RAPGEF5: variants seen among roughly 807,000 people sequenced by gnomAD.
RAPGEF5 encodes the protein M-Ras-regulated GEF.
A neutral mutation model predicts 125.2 loss-of-function variants in RAPGEF5; 65 were observed. The observed-to-expected ratio is 0.52, with a 90% CI of 0.43 to 0.64. The LOEUF is 0.64. Ranked by LOEUF, RAPGEF5 falls within the 30% of genes least tolerant of loss-of-function variation. The pLI, the probability that RAPGEF5 is intolerant of heterozygous loss-of-function variation, is 0.00. For missense variants in RAPGEF5, 958 were observed against 1,048.1 expected (o/e 0.91, Z 1.19); for synonymous variants, 391 against 385.9 (o/e 1.01, Z -0.16).
chr7:22,145,202 C>T lies in RAPGEF5; in HGVS notation c.2028G>A (p.Thr676=), dbSNP rs748833071. Reference sequence around the variant, plus strand: ...GTTCCCCACTTCCCTGTCTGCTGAACGTGAAGTAGATCAGCTCTTGCTGAA... The same window carrying T: ...GTTCCCCACTTCCCTGTCTGCTGAATGTGAAGTAGATCAGCTCTTGCTGAA... The part of the protein sequence containing the change: ...SIHEQELIYF[T]FSRQGSGEHT... The change falls in exon 20 of 26, where the codon ACG becomes ACA. Residue 676 remains threonine, a synonymous_variant. Transcript: ENST00000665637. 17 of 1,612,494 alleles carry T rather than the reference C, an allele frequency of 1.1e-5. 1 individual carries two copies. In the Middle Eastern group the frequency reaches 6.6e-4, roughly 63 times the overall value.
intron 6 of RAPGEF5, 97 bp from the exon 7 acceptor site, chr7:22,267,109 G>A: frequency 2.5e-6 from 3 of 1,204,308 alleles, no homozygotes; most frequent in Non-Finnish European, 3.5e-6. Context: ...CAAATTCAGA[G>A]CTGTTTCAAT....
At chr7:22,156,064 T>C (rs1005503425) in intron 16 of RAPGEF5, among the ~76,000 whole-genome samples, 2 of 152,342 alleles carry the variant, frequency 1.3e-5, no homozygotes, top group Admixed American at 1.3e-4. Flanking sequence ...CACTATCTAA[T>C]GTAATAAGCA....
intron 2 of RAPGEF5, among the ~76,000 whole-genome samples, chr7:22,316,436 T>C (rs1222827738): frequency 2.7e-5 from 4 of 146,436 alleles, no homozygotes; most frequent in Non-Finnish European, 6.0e-5. Context: ...TATATACATA[T>C]ACACACGTGT....
intron 24 of RAPGEF5, among the ~76,000 whole-genome samples, chr7:22,127,089 A>C (rs2128098279): frequency 6.7e-6 from 1 of 148,448 alleles, no homozygotes; most frequent in Middle Eastern, 3.6e-3. Context: ...CCCAGGCTGA[A>C]GTGCAATGGC....
At chr7:22,244,425 G>A (rs1242965295) in intron 7 of RAPGEF5, among the ~76,000 whole-genome samples, 2 of 152,020 alleles carry the variant, frequency 1.3e-5, no homozygotes, top group African/African-American at 4.8e-5. Context: ...ACCTCCTGTC[G>A]GATCAGTAGC....
At chr7:22,130,833 C>T in intron 24 of RAPGEF5, 1 of 651,210 alleles carries the variant, frequency 1.5e-6, no homozygotes, top group Non-Finnish European at 2.5e-6. Context: ...ACCTTGCTAA[C>T]ATACTTGTTG....
In RAPGEF5 at chr7:22,356,872, G is replaced by T; in HGVS notation, c.189C>A (p.Ser63Arg). 1 of 1,160,082 alleles carries T rather than the reference G, an allele frequency of 8.6e-7. No individual in the cohort carries two copies. The highest frequency in any genetic ancestry group is 1.1e-6 in the Non-Finnish European group (1 of 942,230). 71.9% of individuals were successfully genotyped at this position (1,160,082 alleles called of 1,614,324 possible). ...RLRDLPALLRSGLTLRRKRSA... is the reference protein window; with the variant it reads ...RLRDLPALLRRGLTLRRKRSA... ...TCCGCTTCCTCCGCAGCGTGAGCCC[G>T]CTCCGCAGCAGCGCGGGCAGGTCCC... Residue 63 changes from serine to arginine, a missense_variant, in exon 1 of 26, where the codon AGC (serine) becomes AGA (arginine). By Grantham distance (110) the Ser-to-Arg change is moderately radical. Coordinates refer to ENST00000665637, the MANE Select transcript of RAPGEF5 (RefSeq NM_012294.5).
intron 1 of RAPGEF5, among the ~76,000 whole-genome samples, chr7:22,351,861 G>A (rs1490696047): frequency 6.6e-6 from 1 of 152,192 alleles, no homozygotes; most frequent in Non-Finnish European, 1.5e-5. Context: ...AAGCACTCCA[G>A]CTTGTACAAA....
chr7:22,308,430 C>T lies in RAPGEF5; in HGVS notation c.589G>A (p.Glu197Lys). ...SSDECSYLYCEFEREEEWQNG... is the reference protein window; with the variant it reads ...SSDECSYLYCKFEREEEWQNG... ...TGCCATTCTTCTTCTCTTTCAAATT[C>T]ACAGTACAAGTAGCTACATTCATCA... The change falls in exon 5 of 26, where the codon GAA (glutamate) becomes AAA (lysine). Residue 197 changes from glutamate to lysine, a missense_variant. Coordinates refer to ENST00000665637, the MANE Select transcript of RAPGEF5 (RefSeq NM_012294.5). The T allele has an allele frequency of 6.3e-7, 1 of 1,579,766 alleles. No individual in the cohort carries two copies. The highest frequency in any genetic ancestry group is 8.6e-7 in the Non-Finnish European group (1 of 1,161,120).
In RAPGEF5 at chr7:22,334,811, A is replaced by G. The variant is rs75154020; in HGVS notation, c.232-16774T>C. Reference sequence around the variant, plus strand: ...GGTGAGGGTCAGGGAAACCCTGGATAGCTGGATCCAGCTTTTACATTTGTA... The same window carrying G: ...GGTGAGGGTCAGGGAAACCCTGGATGGCTGGATCCAGCTTTTACATTTGTA... On this transcript the variant is annotated intron_variant, in intron 1 of 25. Transcript: ENST00000665637. Among the ~76,000 whole-genome samples the G allele has an allele frequency of 8.6e-3, 1,306 of 152,306 alleles. 61 individuals are homozygous for G. The highest frequency in any genetic ancestry group is 0.075 in the Admixed American group (1,147 of 15,298).
intron 23 of RAPGEF5, among the ~76,000 whole-genome samples, chr7:22,133,990 A>G (rs922114071): frequency 1.3e-5 from 2 of 152,200 alleles, no homozygotes; most frequent in African/African-American, 4.8e-5. Flanking sequence ...AACACCAAGG[A>G]GTTCAATTTG....
At chr7:22,258,547 C>A (rs1049907222) in intron 7 of RAPGEF5, among the ~76,000 whole-genome samples, 1 of 143,972 alleles carries the variant, frequency 6.9e-6, no homozygotes, top group Non-Finnish European at 1.5e-5. Context: ...TCACTTGAAC[C>A]GGGGAGGCAG....
At chr7:22,243,243 T>C (rs1469259515) in intron 7 of RAPGEF5, among the ~76,000 whole-genome samples, 1 of 152,110 alleles carries the variant, frequency 6.6e-6, no homozygotes, top group African/African-American at 2.4e-5. Context: ...ATAAAAAAGT[T>C]TTTTTTGTTT....
chr7:22,351,406 A>T (rs1334940180), intron 1 of RAPGEF5, among the ~76,000 whole-genome samples: 1 of 152,222 alleles, frequency 6.6e-6, no homozygotes, highest in Non-Finnish European at 1.5e-5. Context: ...AGGCTATCAC[A>T]GTTTAGAGTA....
At chr7:22,252,953 TA>T (rs764830997) in intron 7 of RAPGEF5, among the ~76,000 whole-genome samples, 31 of 148,820 alleles carry the variant, frequency 2.1e-4, no homozygotes, top group African/African-American at 2.9e-4. Flanking sequence ...TTATCTCACT[TA>T]AAAAAAAAAG....
At chr7:22,207,893 G>T (rs1489972802) in intron 9 of RAPGEF5, among the ~76,000 whole-genome samples, 1 of 152,180 alleles carries the variant, frequency 6.6e-6, no homozygotes, top group Non-Finnish European at 1.5e-5. Context: ...AACCCAGGAA[G>T]TAAAAAAGAT....
At chr7:22,149,735 C>T (rs1300244825) in intron 18 of RAPGEF5, among the ~76,000 whole-genome samples, 1 of 152,164 alleles carries the variant, frequency 6.6e-6, no homozygotes, top group African/African-American at 2.4e-5. Flanking sequence ...TGTACTGAAA[C>T]AAGGGACTCT....
intron 6 of RAPGEF5, among the ~76,000 whole-genome samples, chr7:22,272,090 T>A (rs1424932063): frequency 6.6e-6 from 1 of 151,794 alleles, no homozygotes; most frequent in Non-Finnish European, 1.5e-5. Context: ...ATGCCTGCAA[T>A]CCCAGCACTT....
intron 9 of RAPGEF5, among the ~76,000 whole-genome samples, chr7:22,208,737 C>A (rs1385170893): frequency 1.3e-5 from 2 of 152,078 alleles, no homozygotes; most frequent in African/African-American, 4.8e-5. Flanking sequence ...TTTTTTGCTT[C>A]TCTAGTCTGG....
Sources: gnomAD v4.1 joint callset for allele counts (sites outside exome capture counted in the v4.1 genomes callset) on GRCh38, gnomAD v4.1.1 for gene constraint, MANE v1.5 for transcripts, NCBI Gene and HGNC (gene_info 2026-07-23, HGNC 2026-07-21) for gene names.